The following RBFOX1 variants were observed in gnomAD, a reference collection of about 807,000 sequenced individuals.
RBFOX1 encodes RNA binding protein fox-1 homolog 1.
Under a neutral mutation model 57.7 loss-of-function variants are expected in RBFOX1, and 8 were observed. That is an observed-to-expected ratio of 0.14 (90% CI 0.08 to 0.25). The LOEUF (loss-of-function observed/expected upper bound fraction) is 0.25, where lower values mean the gene tolerates loss of function less well. Ranked by LOEUF, RBFOX1 falls within the 10% of genes least tolerant of loss-of-function variation. The pLI is 1.00. For synonymous variants in RBFOX1, 326 were observed against 222.4 expected, an observed-to-expected ratio of 1.47 and a Z score of -4.15; for missense variants, 611 against 548.5, an observed-to-expected ratio of 1.11 and a Z score of -1.14.
chr16:6,053,616 T>G (rs1456844259), intron 1 of RBFOX1, among the ~76,000 whole-genome samples: 1 of 152,226 alleles, frequency 6.6e-6, no homozygotes. Context: ...GCGTAAATAG[T>G]CATAATCACC....
At chr16:6,277,728 C>T (rs185561506) in intron 1 of RBFOX1, among the ~76,000 whole-genome samples, 2 of 151,788 alleles carry the variant, frequency 1.3e-5, no homozygotes, top group Admixed American at 6.6e-5. Flanking sequence ...GGATCCCGAC[C>T]GCTGTATATA....
chr16:7,342,347 A>G (rs1241646275), intron 4 of RBFOX1, among the ~76,000 whole-genome samples: 8 of 152,130 alleles, frequency 5.3e-5, no homozygotes, highest in Non-Finnish European at 1.2e-4. Context: ...GACGCATCTG[A>G]GTTGGCATCC....
chr16:6,216,319 A>G (rs1031044250), intron 1 of RBFOX1, among the ~76,000 whole-genome samples: 4 of 152,164 alleles, frequency 2.6e-5, no homozygotes, highest in South Asian at 2.1e-4. Context: ...TTAACCATCT[A>G]CTAGACAGAG....
rs2083905993 is a variant in RBFOX1 at position 7,710,865 on chromosome 16, TAAAAAGGAAAAAAAA to T, written c.*121_*135del. 1 of 1,027,516 alleles carries T rather than the reference TAAAAAGGAAAAAAAA, an allele frequency of 9.7e-7. No individual in the cohort carries two copies. The highest frequency in any genetic ancestry group is 1.3e-6 in the Non-Finnish European group (1 of 781,146). The allele number at this position is 1,027,516 out of a possible 1,614,324, so 63.6% of individuals were successfully genotyped here. ...ACTCTAAAAAAAAAAAAAATACAAA[TAAAAAGGAAAAAAAA>T]TTACATTTTTTATCTTATACCTCAG... On this transcript the variant is annotated 3_prime_UTR_variant, in exon 16 of 16. Coordinates refer to ENST00000550418, the MANE Select transcript of RBFOX1 (RefSeq NM_018723.4).
At chr16:7,170,319 C>A (rs1296758909) in intron 4 of RBFOX1, among the ~76,000 whole-genome samples, 1 of 152,280 alleles carries the variant, frequency 6.6e-6, no homozygotes, top group South Asian at 2.1e-4. Context: ...GTCTTTCAGA[C>A]TGGAGTGCAG....
At chr16:7,152,262 G>A (rs2076247989) in intron 4 of RBFOX1, among the ~76,000 whole-genome samples, 1 of 152,166 alleles carries the variant, frequency 6.6e-6, no homozygotes, top group African/African-American at 2.4e-5. Context: ...CATAGCTTTA[G>A]TAAACCCACC....
In RBFOX1 at chr16:6,924,169, A is replaced by AAATAATAATAATAAT. The variant is rs34239520; in HGVS notation, c.-15-127877_-15-127863dup. Reference sequence around the variant, plus strand: ...GGGTGACAGGAAGACTCTGTCTCAAAAATAATAATAATAATAATAATAATA... The same window carrying AAATAATAATAATAAT: ...GGGTGACAGGAAGACTCTGTCTCAAAAATAATAATAATAATAATAATAATAATAATAATAATAATA... On this transcript the variant is annotated intron_variant, in intron 3 of 15. Transcript: ENST00000550418. Among the ~76,000 whole-genome samples, 25 of 146,742 alleles carry AAATAATAATAATAAT rather than the reference A, an allele frequency of 1.7e-4. 1 individual carries two copies. Among genetic ancestry groups the AAATAATAATAATAAT allele is most frequent in the South Asian group, 8.8e-4 (4 of 4,528 alleles).
chr16:6,114,353 C>G (rs944049154), intron 1 of RBFOX1, among the ~76,000 whole-genome samples: 2 of 152,168 alleles, frequency 1.3e-5, no homozygotes, highest in African/African-American at 4.8e-5. Context: ...AGAATAATAT[C>G]TCATGCGGCA....
intron 4 of RBFOX1, among the ~76,000 whole-genome samples, chr16:5,908,077 T>TATATATAC (rs2058506561): frequency 1.4e-5 from 2 of 144,674 alleles, no homozygotes; most frequent in African/African-American, 2.7e-5. Context: ...TATGTATATA[T>TATATATAC]ATATATATAC....
At chr16:5,973,498 G>C (rs765694590) in intron 4 of RBFOX1, among the ~76,000 whole-genome samples, 42 of 152,188 alleles carry the variant, frequency 2.8e-4, no homozygotes, top group African/African-American at 7.2e-5. Flanking sequence ...CCCTAGGTCA[G>C]AGTCAGAAAA....
chr16:6,200,165 G>C (rs1178977311), intron 1 of RBFOX1, among the ~76,000 whole-genome samples: 1 of 152,188 alleles, frequency 6.6e-6, no homozygotes, highest in African/African-American at 2.4e-5. Flanking sequence ...AAGACAGTGA[G>C]AGAGCATAAG....
chr16:5,971,943 A>T (rs947101524), intron 4 of RBFOX1, among the ~76,000 whole-genome samples: 18 of 152,218 alleles, frequency 1.2e-4, no homozygotes, highest in Non-Finnish European at 1.6e-4. Context: ...ACAGAGCAGA[A>T]AAACTGAGCT....
intron 2 of RBFOX1, among the ~76,000 whole-genome samples, chr16:6,636,656 C>T (rs1281516058): frequency 6.7e-6 from 1 of 149,980 alleles, no homozygotes; most frequent in African/African-American, 2.5e-5. Context: ...TTGCGAAATG[C>T]CTCAACCGAG....
At chr16:6,577,734 G>C (rs1198456071) in intron 2 of RBFOX1, among the ~76,000 whole-genome samples, 2 of 152,128 alleles carry the variant, frequency 1.3e-5, no homozygotes, top group Non-Finnish European at 2.9e-5. Context: ...ACAAGGAAGT[G>C]ACACACCCTA....
At chr16:6,580,984 A>G (rs1156617037) in intron 2 of RBFOX1, among the ~76,000 whole-genome samples, 1 of 151,570 alleles carries the variant, frequency 6.6e-6, no homozygotes, top group African/African-American at 2.4e-5. Flanking sequence ...ATTGATCAAG[A>G]ATATATTTTG....
chr16:6,305,342 C>T (rs1490745033), intron 1 of RBFOX1, among the ~76,000 whole-genome samples: 1 of 152,174 alleles, frequency 6.6e-6, no homozygotes, highest in Non-Finnish European at 1.5e-5. Context: ...ATAGGGATGT[C>T]AGTGCAATGC....
chr16:5,448,560 G>GA (rs1396560256), intron 1 of RBFOX1, among the ~76,000 whole-genome samples: 1 of 152,162 alleles, frequency 6.6e-6, no homozygotes, highest in Non-Finnish European at 1.5e-5. Context: ...GTGCAGGCAG[G>GA]AGACTGGGGT....
At chr16:6,887,821 C>G (rs767741111) in intron 3 of RBFOX1, among the ~76,000 whole-genome samples, 3 of 152,026 alleles carry the variant, frequency 2.0e-5, no homozygotes, top group Non-Finnish European at 2.9e-5. Flanking sequence ...CGTCACCACA[C>G]CTGGCTAATT....
intron 3 of RBFOX1, among the ~76,000 whole-genome samples, chr16:6,910,329 T>C (rs1216898709): frequency 6.6e-6 from 1 of 151,930 alleles, no homozygotes; most frequent in Admixed American, 6.6e-5. Flanking sequence ...AGAAAGTGAG[T>C]GTCTTTTCCA....
Sources: allele counts gnomAD v4.1 joint callset (sites outside exome capture counted in the v4.1 genomes callset), GRCh38; gene constraint gnomAD v4.1.1; transcripts MANE v1.5; gene names NCBI Gene and HGNC (gene_info 2026-07-23, HGNC 2026-07-21).